The following FLI1 variants were observed in gnomAD, a reference collection of about 807,000 sequenced individuals.
The protein encoded by FLI1 is Friend leukemia integration 1 transcription factor.
A neutral mutation model predicts 53.1 loss-of-function variants in FLI1; 13 were observed. The ratio of observed to expected loss-of-function variants is 0.24; its 90% CI spans 0.16 to 0.39. The LOEUF is 0.39. Ranked by LOEUF, FLI1 falls within the 10% of genes least tolerant of loss-of-function variation. FLI1 has a pLI of 1.00. For missense variants in FLI1, 424 were observed against 600.5 expected, an observed-to-expected ratio of 0.71 and a Z score of 3.07; for synonymous variants, 244 against 236.7, an observed-to-expected ratio of 1.03 and a Z score of -0.28.
At chr11:128,753,974 C>T (rs1043458428) in intron 1 of FLI1, among the ~76,000 whole-genome samples, 1 of 152,226 alleles carries the variant, frequency 6.6e-6, no homozygotes, top group East Asian at 1.9e-4. Context: ...ATGCTCTCCT[C>T]CCCAACTCTG....
At chr11:128,758,905 A>G (rs1378352023) in intron 2 of FLI1, among the ~76,000 whole-genome samples, 1 of 152,160 alleles carries the variant, frequency 6.6e-6, no homozygotes, top group East Asian at 1.9e-4. Context: ...GTCCAGGGAG[A>G]GAAAATCACA....
chr11:128,810,411 T>C lies in FLI1; in HGVS notation c.830-48T>C, dbSNP rs1257023442. 1 of 1,527,848 alleles carries C rather than the reference T, an allele frequency of 6.5e-7. No individual in the cohort carries two copies. The highest frequency in any genetic ancestry group is 2.4e-5 in the Admixed American group (1 of 42,106). The allele number at this position is 1,527,848 out of a possible 1,614,324, so 94.6% of individuals were successfully genotyped here. A position where few individuals can be genotyped will look rare whatever the true frequency, so the allele number is the denominator to read the frequency against. ...ATTTAGGGAACTGGGTTCTGCCTTC[T>C]CTGGGCTGAGGTGTTCTGTTCTCTC... On this transcript the variant is annotated intron_variant, in intron 8 of 8. Transcript: ENST00000527786. This position sits in a 1 kb window ranked among gnomAD's most constrained non-coding sequence, Gnocchi z 6.6.
intron 1 of FLI1, among the ~76,000 whole-genome samples, chr11:128,721,334 A>G (rs1939241839): frequency 6.6e-6 from 1 of 152,194 alleles, no homozygotes; most frequent in Non-Finnish European, 1.5e-5. Context: ...GGAAGAATGG[A>G]GGCGAAGACA....
At chr11:128,809,440 A>G (rs1696104026) in intron 8 of FLI1, among the ~76,000 whole-genome samples, 1 of 152,234 alleles carries the variant, frequency 6.6e-6, no homozygotes, top group Admixed American at 6.5e-5. Context: ...AGCACTGCAC[A>G]TGTGCACTTA....
intron 1 of FLI1, among the ~76,000 whole-genome samples, chr11:128,723,821 G>A (rs1393675184): frequency 3.3e-5 from 5 of 151,912 alleles, no homozygotes; most frequent in African/African-American, 9.7e-5. Context: ...GTGCTTTCAT[G>A]GTGCTAGGTG....
chr11:128,713,081 C>A (rs1938857219), intron 1 of FLI1, among the ~76,000 whole-genome samples: 1 of 152,114 alleles, frequency 6.6e-6, no homozygotes, highest in Non-Finnish European at 1.5e-5. Flanking sequence ...CACTGAATGG[C>A]ATAAATTTGT....
At chr11:128,748,559 G>A (rs1281798334) in intron 1 of FLI1, among the ~76,000 whole-genome samples, 1 of 152,088 alleles carries the variant, frequency 6.6e-6, no homozygotes, top group African/African-American at 2.4e-5. Flanking sequence ...CTTGACCCTG[G>A]GAGGCAGAGG....
At chr11:128,723,493 G>T (rs779892348) in intron 1 of FLI1, among the ~76,000 whole-genome samples, 7 of 152,096 alleles carry the variant, frequency 4.6e-5, no homozygotes, top group Non-Finnish European at 7.3e-5. Flanking sequence ...CAAGGATGGA[G>T]ACATTCCAGA....
chr11:128,755,939 A>G (rs1361066771), intron 1 of FLI1, among the ~76,000 whole-genome samples: 2 of 152,170 alleles, frequency 1.3e-5, no homozygotes, highest in African/African-American at 4.8e-5. Context: ...CCCTTTTTGA[A>G]TTATGGCTGT....
chr11:128,714,222 A>G (rs1053924291), intron 1 of FLI1, among the ~76,000 whole-genome samples: 1 of 151,980 alleles, frequency 6.6e-6, no homozygotes, highest in Non-Finnish European at 1.5e-5. Context: ...AAAAAAAAAA[A>G]AAAACGGCAA....
intron 1 of FLI1, among the ~76,000 whole-genome samples, chr11:128,713,842 T>A (rs1938894828): frequency 6.6e-6 from 1 of 152,176 alleles, no homozygotes; most frequent in Non-Finnish European, 1.5e-5. Flanking sequence ...GATGAGTGAA[T>A]GAATGAAATG....
chr11:128,772,028 C>CCACACA (rs57703345), intron 3 of FLI1, among the ~76,000 whole-genome samples: 3 of 139,138 alleles, frequency 2.2e-5, no homozygotes, highest in South Asian at 2.4e-4. Flanking sequence ...AACATCCCCA[C>CCACACA]CACACACACA....
chr11:128,795,232 A>G (rs1263993298), intron 5 of FLI1, among the ~76,000 whole-genome samples: 1 of 152,336 alleles, frequency 6.6e-6, no homozygotes, highest in East Asian at 1.9e-4. Context: ...TTCAAGTCCT[A>G]TCTGCCTCAA....
intron 1 of FLI1, among the ~76,000 whole-genome samples, chr11:128,702,936 A>G: frequency 6.6e-6 from 1 of 152,136 alleles, no homozygotes; most frequent in East Asian, 1.9e-4. Flanking sequence ...GAGAAAGAAT[A>G]TTTATCATAC....
At chr11:128,805,519 C>A in intron 6 of FLI1, 88 bp downstream of exon 6, 1 of 816,652 alleles carries the variant, frequency 1.2e-6, no homozygotes, top group South Asian at 1.7e-5. Context: ...AGGAGAGCAG[C>A]AAGCATTTGT....
chr11:128,712,411 C>T (rs1008002762), intron 1 of FLI1, among the ~76,000 whole-genome samples: 4 of 152,076 alleles, frequency 2.6e-5, no homozygotes, highest in African/African-American at 4.8e-5. Flanking sequence ...TCAGATATTC[C>T]GTTATAGCTA....
intron 1 of FLI1, among the ~76,000 whole-genome samples, chr11:128,753,130 T>G (rs1049672860): frequency 3.3e-5 from 5 of 152,208 alleles, no homozygotes; most frequent in African/African-American, 1.2e-4. Flanking sequence ...GATCTAGGAC[T>G]CAGTGGCTCT....
rs1043660058 is a variant in FLI1, at chr11:128,751,300, C to T, written c.19-6815C>T. Among the ~76,000 whole-genome samples the T allele has an allele frequency of 1.5e-4, 23 of 152,116 alleles. 1 individual carries two copies. Among genetic ancestry groups the T allele is most frequent in the Admixed American group, 1.4e-3 (22 of 15,260 alleles). On this transcript the variant is annotated intron_variant, in intron 1 of 8. Transcript: ENST00000527786. ...TCTGAACTCCCTCTTGACCCATCTC[C>T]AACCCAATGGTTCTCACGCCATTTC...
chr11:128,767,156 C>A (rs1941375847), intron 2 of FLI1, among the ~76,000 whole-genome samples: 1 of 152,160 alleles, frequency 6.6e-6, no homozygotes, highest in Non-Finnish European at 1.5e-5. Context: ...AGACAGCTGC[C>A]CATCACCAGT....
Sources: gnomAD v4.1 joint callset for allele counts (sites outside exome capture counted in the v4.1 genomes callset) on GRCh38, gnomAD v4.1.1 for gene constraint, Gnocchi (gnomAD v3.1) non-coding constraint, MANE v1.5 for transcripts, NCBI Gene and HGNC (gene_info 2026-07-23, HGNC 2026-07-21) for gene names.